The following ANKS1B variants were observed in gnomAD, a reference collection of about 807,000 sequenced individuals.
ANKS1B encodes the protein ankyrin repeat and sterile alpha motif domain containing 1B, also known as ankyrin repeat and sterile alpha motif domain-containing protein 1B.
ANKS1B carries 36 observed loss-of-function variants against 148.3 expected under a neutral mutation model. That is an observed-to-expected ratio of 0.24 (90% confidence interval 0.19 to 0.32). ANKS1B has a LOEUF of 0.32. ANKS1B is among the 10% of genes least tolerant of loss of function. The pLI, the probability that ANKS1B is intolerant of heterozygous loss-of-function variation, is 1.00. For missense variants in ANKS1B, 1,157 were observed against 1,542.6 expected (o/e 0.75, Z 4.19); for synonymous variants, 542 against 560.8 (o/e 0.97, Z 0.47).
At chr12:99,713,456 C>T (rs1860117236) in intron 8 of ANKS1B, among the ~76,000 whole-genome samples, 2 of 152,070 alleles carry the variant, frequency 1.3e-5, no homozygotes, top group Non-Finnish European at 2.9e-5. Flanking sequence ...TCACATTTTA[C>T]TATAAGAAAC....
intron 11 of ANKS1B, among the ~76,000 whole-genome samples, chr12:99,412,614 G>A (rs2094751222): frequency 6.6e-6 from 1 of 151,960 alleles, no homozygotes; most frequent in Non-Finnish European, 1.5e-5. Context: ...TTAGAATTTC[G>A]CAAATGCCTC....
At chr12:99,178,676 T>C (rs776113630) in intron 14 of ANKS1B, among the ~76,000 whole-genome samples, 1 of 152,276 alleles carries the variant, frequency 6.6e-6, no homozygotes, top group Non-Finnish European at 1.5e-5. Flanking sequence ...TTGTTCATTA[T>C]TTATTTTATA....
chr12:99,700,516 T>C (rs1196479232), intron 8 of ANKS1B, among the ~76,000 whole-genome samples: 1 of 152,118 alleles, frequency 6.6e-6, no homozygotes. Context: ...CGAGCACGAA[T>C]TTTTTTTCCT....
chr12:99,463,232 G>C (rs1342157727), intron 10 of ANKS1B, among the ~76,000 whole-genome samples: 3 of 152,230 alleles, frequency 2.0e-5, no homozygotes, highest in African/African-American at 7.2e-5. Context: ...TGCATGGATG[G>C]AATACAGTCT....
At chr12:99,960,899 GT>G (rs140119155) in intron 1 of ANKS1B, among the ~76,000 whole-genome samples, 3,017 of 152,200 alleles carry the variant, frequency 0.02, 111 homozygotes, top group African/African-American at 0.068. Context: ...TTTGGATAAG[GT>G]GTCCAACTGC....
At chr12:98,846,115 T>C (rs989291025) in intron 17 of ANKS1B, among the ~76,000 whole-genome samples, 1 of 152,154 alleles carries the variant, frequency 6.6e-6, no homozygotes, top group Non-Finnish European at 1.5e-5. Flanking sequence ...GAATACTGCA[T>C]TGCATCTGAG....
intron 14 of ANKS1B, among the ~76,000 whole-genome samples, chr12:99,188,019 CA>C (rs1002900624): frequency 4.3e-4 from 60 of 140,404 alleles, no homozygotes; most frequent in Admixed American, 3.5e-4. Context: ...AAATGGAAAG[CA>C]AAAAAAAAAG....
intron 10 of ANKS1B, among the ~76,000 whole-genome samples, chr12:99,491,161 T>C (rs1470820881): frequency 6.6e-6 from 1 of 151,970 alleles, no homozygotes; most frequent in African/African-American, 2.4e-5. Flanking sequence ...AAAAATTAGC[T>C]GGGCGCAGTG....
chr12:99,968,310 C>A (rs1174881030), intron 1 of ANKS1B, among the ~76,000 whole-genome samples: 2 of 152,176 alleles, frequency 1.3e-5, no homozygotes, highest in Non-Finnish European at 2.9e-5. Context: ...GTAATCCCAG[C>A]ACTTTGGGAG....
At chr12:99,639,138 G>C (rs2098275348) in intron 9 of ANKS1B, among the ~76,000 whole-genome samples, 2 of 152,210 alleles carry the variant, frequency 1.3e-5, no homozygotes, top group Admixed American at 1.3e-4. Context: ...CCCAAACAGA[G>C]TCCCCACTGG....
At chr12:99,815,319 TA>T (rs2068961361) in intron 2 of ANKS1B, among the ~76,000 whole-genome samples, 1 of 151,780 alleles carries the variant, frequency 6.6e-6, no homozygotes, top group Non-Finnish European at 1.5e-5. Flanking sequence ...TTTCTAGTAT[TA>T]CCACCATCTA....
At chr12:99,884,051 C>A (rs1378862292) in intron 1 of ANKS1B, among the ~76,000 whole-genome samples, 1 of 151,808 alleles carries the variant, frequency 6.6e-6, no homozygotes, top group Non-Finnish European at 1.5e-5. Context: ...AAAGAAGATA[C>A]ATAGATACTA....
At chr12:99,373,689 T>C (rs926276764) in intron 12 of ANKS1B, among the ~76,000 whole-genome samples, 9 of 152,076 alleles carry the variant, frequency 5.9e-5, no homozygotes, top group African/African-American at 2.2e-4. Context: ...GTTTCATTTT[T>C]TGTTTTTTTT....
chr12:99,870,142 G>A (rs183699147), intron 1 of ANKS1B, among the ~76,000 whole-genome samples: 2 of 152,026 alleles, frequency 1.3e-5, no homozygotes, highest in East Asian at 3.9e-4. Flanking sequence ...CAATCTCTAC[G>A]TCCATGAGTA....
intron 9 of ANKS1B, among the ~76,000 whole-genome samples, chr12:99,528,032 C>T (rs1435510268): frequency 6.6e-6 from 1 of 151,904 alleles, no homozygotes; most frequent in African/African-American, 2.4e-5. Flanking sequence ...GACACATAGA[C>T]AAGCAGAACA....
intron 1 of ANKS1B, among the ~76,000 whole-genome samples, chr12:99,873,617 C>A (rs1404708908): frequency 6.6e-6 from 1 of 152,160 alleles, no homozygotes; most frequent in African/African-American, 2.4e-5. Flanking sequence ...TAACTATTTA[C>A]AGACCATTCT....
intron 17 of ANKS1B, among the ~76,000 whole-genome samples, chr12:98,861,615 G>A (rs2099599588): frequency 6.6e-6 from 1 of 152,146 alleles, no homozygotes; most frequent in African/African-American, 2.4e-5. Flanking sequence ...GCAAGAAAAA[G>A]CCCACAATAA....
At chr12:99,679,545 A>T (rs1487843945) in intron 8 of ANKS1B, among the ~76,000 whole-genome samples, 1 of 152,098 alleles carries the variant, frequency 6.6e-6, no homozygotes, top group African/African-American at 2.4e-5. Context: ...CCTGACTTCA[A>T]GTGATCCGCC....
At chr12:99,577,051 A>T (rs920215981) in intron 9 of ANKS1B, among the ~76,000 whole-genome samples, 1 of 152,038 alleles carries the variant, frequency 6.6e-6, no homozygotes, top group African/African-American at 2.4e-5. Flanking sequence ...CTAAAAAAAT[A>T]AAAGTAATAC....
Sources: gnomAD v4.1 joint callset for allele counts (sites outside exome capture counted in the v4.1 genomes callset) on GRCh38, gnomAD v4.1.1 for gene constraint, MANE v1.5 for transcripts, NCBI Gene and HGNC (gene_info 2026-07-23, HGNC 2026-07-21) for gene names.